BMPR1A: variants seen among roughly 807,000 people sequenced by gnomAD.
BMPR1A encodes the protein bone morphogenetic protein receptor type 1A.
A neutral mutation model predicts 66.0 loss-of-function variants in BMPR1A; 7 were observed. That is an observed-to-expected ratio of 0.11 (90% CI 0.06 to 0.20). BMPR1A has a LOEUF of 0.20. BMPR1A is among the 10% of genes least tolerant of loss of function. BMPR1A has a pLI of 1.00. For missense variants in BMPR1A, 408 were observed against 669.1 expected, an observed-to-expected ratio of 0.61 and a Z score of 4.31; for synonymous variants, 200 against 229.7, an observed-to-expected ratio of 0.87 and a Z score of 1.17.
At chr10:86,910,802 G>A (rs1843469986) in intron 7 of BMPR1A, among the ~76,000 whole-genome samples, 1 of 152,076 alleles carries the variant, frequency 6.6e-6, no homozygotes, top group Admixed American at 6.6e-5. Flanking sequence ...GACTAAATGA[G>A]AGAATCAATA....
intron 1 of BMPR1A, among the ~76,000 whole-genome samples, chr10:86,779,998 T>C (rs1841411171): frequency 6.6e-6 from 1 of 152,192 alleles, no homozygotes; most frequent in Non-Finnish European, 1.5e-5. Context: ...CTTGAACTCC[T>C]GGCCTCAAGG....
chr10:86,758,852 T>G (rs1477821499), intron 1 of BMPR1A, among the ~76,000 whole-genome samples: 3 of 152,212 alleles, frequency 2.0e-5, no homozygotes. Flanking sequence ...TTGAGTTTTC[T>G]GTAAGATTTA....
chr10:86,899,075 G>A (rs950213973), intron 5 of BMPR1A, among the ~76,000 whole-genome samples: 1 of 152,148 alleles, frequency 6.6e-6, no homozygotes, highest in Non-Finnish European at 1.5e-5. Context: ...CTTGTTACTT[G>A]TGTAGTGACA....
chr10:86,805,992 T>G (rs1186475570), intron 1 of BMPR1A, among the ~76,000 whole-genome samples: 1 of 151,984 alleles, frequency 6.6e-6, no homozygotes, highest in African/African-American at 2.4e-5. Context: ...TTTAATCTCC[T>G]TCTCTCTGAA....
chr10:86,836,109 G>A (rs369053762), intron 1 of BMPR1A, among the ~76,000 whole-genome samples: 4 of 152,092 alleles, frequency 2.6e-5, no homozygotes, highest in African/African-American at 9.7e-5. Flanking sequence ...CTTACTTAGC[G>A]TTTTGTTTTG....
chr10:86,808,648 G>A (rs953662850), intron 1 of BMPR1A, among the ~76,000 whole-genome samples: 2 of 152,208 alleles, frequency 1.3e-5, no homozygotes, highest in African/African-American at 2.4e-5. Context: ...TATTACTTAA[G>A]TTATGAGATT....
chr10:86,765,845 ATTTTC>A (rs1203664256), intron 1 of BMPR1A, among the ~76,000 whole-genome samples: 3 of 151,784 alleles, frequency 2.0e-5, no homozygotes, highest in Admixed American at 1.3e-4. Flanking sequence ...GCTAGAAAAA[ATTTTC>A]TTTTCTGTTG....
intron 1 of BMPR1A, among the ~76,000 whole-genome samples, chr10:86,825,114 T>G (rs1330535650): frequency 6.6e-6 from 1 of 151,786 alleles, no homozygotes; most frequent in Non-Finnish European, 1.5e-5. Flanking sequence ...TGTTTGTTTG[T>G]TTGTTTTAAG....
intron 3 of BMPR1A, among the ~76,000 whole-genome samples, chr10:86,880,874 T>C (rs557718385): frequency 2.6e-5 from 4 of 151,690 alleles, no homozygotes; most frequent in South Asian, 4.2e-4. Context: ...CAAATATGTT[T>C]AAATCCACGT....
At chr10:86,770,889 G>A (rs192017778) in intron 1 of BMPR1A, among the ~76,000 whole-genome samples, 14 of 152,208 alleles carry the variant, frequency 9.2e-5, no homozygotes, top group Admixed American at 8.5e-4. Flanking sequence ...AGAGCCTTAA[G>A]TTCCCATTAC....
At chr10:86,835,189 C>T (rs529589116) in intron 1 of BMPR1A, among the ~76,000 whole-genome samples, 16 of 149,598 alleles carry the variant, frequency 1.1e-4, no homozygotes, top group Admixed American at 3.3e-4. Context: ...GAGCCATGAC[C>T]GTGCCACTGC....
chr10:86,901,198 C>G (rs1393364158), intron 7 of BMPR1A, among the ~76,000 whole-genome samples: 1 of 152,234 alleles, frequency 6.6e-6, no homozygotes, highest in Non-Finnish European at 1.5e-5. Flanking sequence ...GAAGTGACTG[C>G]AAGCTCCTGT....
At chr10:86,785,455 G>A (rs2132733995) in intron 1 of BMPR1A, among the ~76,000 whole-genome samples, 1 of 152,264 alleles carries the variant, frequency 6.6e-6, no homozygotes, top group South Asian at 2.1e-4. Flanking sequence ...ATAGGCATGT[G>A]CCACCACATC....
In BMPR1A at chr10:86,840,306, A is replaced by C. The variant is rs534695396; in HGVS notation, c.-153+1327A>C. On this transcript the variant is annotated intron_variant, in intron 2 of 12. Coordinates refer to ENST00000372037, the MANE Select transcript of BMPR1A (RefSeq NM_004329.3). ...TGCCCCTGCCAAACCGCTGGATTAG[A>C]TCTTCTAAAAAATAACGTAACTCTC... Among the ~76,000 whole-genome samples, 18 of 152,278 alleles carry C rather than the reference A, an allele frequency of 1.2e-4. No homozygotes were observed. The East Asian group carries it at 1.4e-3, about 11-fold the overall frequency.
chr10:86,831,201 C>T (rs542187037), intron 1 of BMPR1A, among the ~76,000 whole-genome samples: 1 of 152,308 alleles, frequency 6.6e-6, no homozygotes, highest in Admixed American at 6.5e-5. Flanking sequence ...ACCCTTCAGC[C>T]CTGCACCTTC....
intron 1 of BMPR1A, among the ~76,000 whole-genome samples, chr10:86,815,734 A>T (rs1842028441): frequency 6.6e-6 from 1 of 152,192 alleles, no homozygotes; most frequent in Non-Finnish European, 1.5e-5. Context: ...CACGCGGCCA[A>T]GTGCCTACCT....
intron 3 of BMPR1A, among the ~76,000 whole-genome samples, chr10:86,889,211 A>AC (rs1843113135): frequency 6.6e-6 from 1 of 152,072 alleles, no homozygotes; most frequent in Admixed American, 6.5e-5. Context: ...AGGCTGCTAG[A>AC]CTCTAGTGTA....
At chr10:86,929,773 C>G (rs956493256), downstream of BMPR1A, 2 of 152,246 alleles carry the variant, frequency 1.3e-5, no homozygotes, top group Non-Finnish European at 2.9e-5. Context: ...TTCCAGCAAT[C>G]TGTTAGTCTC....
At chr10:86,840,706 A>T (rs1842414949) in intron 2 of BMPR1A, among the ~76,000 whole-genome samples, 1 of 152,064 alleles carries the variant, frequency 6.6e-6, no homozygotes, top group South Asian at 2.1e-4. Context: ...ATCATTCATC[A>T]TGAGCTCTGC....
Sources: gnomAD v4.1 joint callset for allele counts (sites outside exome capture counted in the v4.1 genomes callset) on GRCh38, gnomAD v4.1.1 for gene constraint, MANE v1.5 for transcripts, NCBI Gene and HGNC (gene_info 2026-07-23, HGNC 2026-07-21) for gene names.